The following ADH1B variants were observed in gnomAD, a reference collection of about 807,000 sequenced individuals.
ADH1B encodes the protein all-trans-retinol dehydrogenase [NAD(+)] ADH1B.
A neutral mutation model predicts 34.6 loss-of-function variants in ADH1B; 29 were observed. That is an observed-to-expected ratio of 0.84 (90% CI 0.62 to 1.14). ADH1B has a LOEUF of 1.14. Among genes scored for constraint, ADH1B ranks in the 50% most tolerant of loss-of-function variants. The probability of loss-of-function intolerance (pLI) is 0.00; values close to 1 mark genes in which losing one functional copy is unlikely to be tolerated. For missense variants in ADH1B, 424 were observed against 468.4 expected, an observed-to-expected ratio of 0.91 and a Z score of 0.87; for synonymous variants, 170 against 175.5, an observed-to-expected ratio of 0.97 and a Z score of 0.25.
chr4:99,310,902 G>A lies in ADH1B; in HGVS notation c.966C>T (p.Gly322=), dbSNP rs1368291089. The A allele has an allele frequency of 6.2e-7, 1 of 1,612,236 alleles. No individual in the cohort carries two copies. The highest frequency in any genetic ancestry group is 1.1e-5 in the South Asian group (1 of 90,564). Reference sequence around the variant, plus strand: ...TTGGGATACCTTCTTTACTCTTAAAGCCTGAAAAGAAGACAGTATCATTGT... The same window carrying A: ...TTGGGATACCTTCTTTACTCTTAAAACCTGAAAAGAAGACAGTATCATTGT... ...GRTWKGAVYG[G]FKSKEGIPKL... Residue 322 remains glycine, a splice_region_variant and synonymous_variant, in exon 8 of 9, where the codon GGC becomes GGT. Transcript: ENST00000305046.
intron 5 of ADH1B, 21 bp downstream of exon 5, chr4:99,315,877 A>T: frequency 6.2e-7 from 1 of 1,614,054 alleles, no homozygotes; most frequent in Non-Finnish European, 8.5e-7. Flanking sequence ...AAGCAGTTTT[A>T]TCACCCATTG....
chr4:99,307,038 G>C lies in ADH1B; in HGVS notation c.*802C>G, dbSNP rs1278505495. The C allele has an allele frequency of 6.6e-6, 1 of 151,992 alleles. No individual in the cohort carries two copies. The highest frequency in any genetic ancestry group is 1.5e-5 in the Non-Finnish European group (1 of 68,002). The allele number at this position is 151,992 out of a possible 1,614,324, so 9.4% of individuals were successfully genotyped here. ...GTCATCATCTAAATAATCATTTATAGCCACAAACTAATACTGTTTAGTCAA... is the reference window on the plus strand; with the variant it reads ...GTCATCATCTAAATAATCATTTATACCCACAAACTAATACTGTTTAGTCAA... On this transcript the variant is annotated 3_prime_UTR_variant, in exon 9 of 9. Coordinates refer to ENST00000305046, the MANE Select transcript of ADH1B (RefSeq NM_000668.6).
intron 5 of ADH1B, 131 bp downstream of exon 5, chr4:99,315,767 G>T: frequency 9.0e-7 from 1 of 1,113,678 alleles, no homozygotes; most frequent in Non-Finnish European, 1.3e-6. Flanking sequence ...ATTCTTTCTG[G>T]GCCATTTTTC....
Position 99,304,973 on chromosome 4 carries a change from A to G in ADH1B, c.*2867T>C, listed in dbSNP as rs1250793425. 6.6e-6 allele frequency: 1 copy of G among 152,070 alleles called. No homozygotes were observed. Among genetic ancestry groups the G allele is most frequent in the African/African-American group, 2.4e-5 (1 of 41,406 alleles). The allele number at this position is 152,070 out of a possible 1,614,324, so 9.4% of individuals were successfully genotyped here. A position where few individuals can be genotyped will look rare whatever the true frequency, so the allele number is the denominator to read the frequency against. ...AGCATAAGCTAATAGGTAAGCAGTAATATCTCATTTTGCTTTATTTTTTTT... is the reference window on the plus strand; with the variant it reads ...AGCATAAGCTAATAGGTAAGCAGTAGTATCTCATTTTGCTTTATTTTTTTT... On this transcript the variant is annotated 3_prime_UTR_variant, in exon 9 of 9. Transcript: ENST00000305046.
At chr4:99,310,731 A>G (rs771139873) in intron 8 of ADH1B, 34 bp downstream of exon 8, 1 of 1,594,976 alleles carries the variant, frequency 6.3e-7, no homozygotes, top group Non-Finnish European at 8.5e-7. Flanking sequence ...ATGGTAGAAA[A>G]AAAAGCAAAA....
chr4:99,318,717 G>A, intron 2 of ADH1B, 68 bp downstream of exon 2: 2 of 1,448,432 alleles, frequency 1.4e-6, no homozygotes, highest in East Asian at 2.3e-5. Flanking sequence ...ATTTTTGGAT[G>A]TTTCCATTTT....
chr4:99,315,703 C>G, intron 5 of ADH1B, 195 bp downstream of exon 5: 1 of 671,774 alleles, frequency 1.5e-6, no homozygotes, highest in Non-Finnish European at 2.5e-6. Flanking sequence ...CATCTTTATT[C>G]GTAACAACTT....
At chr4:99,308,342 A>G (rs978273430) in intron 8 of ADH1B, among the ~76,000 whole-genome samples, 2 of 150,082 alleles carry the variant, frequency 1.3e-5, no homozygotes, top group Non-Finnish European at 3.0e-5. Flanking sequence ...AAAGATTTGT[A>G]ACTTGCTCTG....
chr4:99,314,284 A>G, intron 5 of ADH1B: 5 of 802,134 alleles, frequency 6.2e-6, no homozygotes, highest in Non-Finnish European at 5.7e-6. Context: ...AAACTGATGC[A>G]TATTAGATTC....
chr4:99,310,156 T>C (rs1345258037), intron 8 of ADH1B, among the ~76,000 whole-genome samples: 2 of 152,184 alleles, frequency 1.3e-5, no homozygotes, highest in Non-Finnish European at 2.9e-5. Context: ...AGAATTGGCT[T>C]ATTTTTCTAA....
In ADH1B at chr4:99,311,764, G is replaced by A. The variant is rs1355138678; in HGVS notation, c.829-108C>T. ...TAACTGGATTGTGAGTGTGTAGAGGGAAGAGATCATGTCTTTTGATCCTTC... is the reference window on the plus strand; with the variant it reads ...TAACTGGATTGTGAGTGTGTAGAGGAAAGAGATCATGTCTTTTGATCCTTC... On this transcript the variant is annotated intron_variant, in intron 6 of 8. Transcript: ENST00000305046. The A allele has an allele frequency of 3.4e-6, 5 of 1,471,302 alleles. No individual in the cohort carries two copies. The African/African-American group carries it at 7.0e-5, about 21-fold the overall frequency. The allele number at this position is 1,471,302 out of a possible 1,614,324, so 91.1% of individuals were successfully genotyped here. A position where few individuals can be genotyped will look rare whatever the true frequency, so the allele number is the denominator to read the frequency against.
intron 6 of ADH1B, among the ~76,000 whole-genome samples, chr4:99,313,051 G>A (rs1733791060): frequency 6.7e-6 from 1 of 149,030 alleles, no homozygotes. Context: ...TTTTGAGACA[G>A]AGTTTCACTA....
intron 1 of ADH1B, chr4:99,320,578 C>T (rs1465721420): frequency 1.6e-5 from 3 of 187,392 alleles, no homozygotes; most frequent in African/African-American, 7.2e-5. Context: ...CAAATAAGTA[C>T]AAATTTATAG....
chr4:99,316,064 C>T lies in ADH1B; in HGVS notation c.401G>A (p.Arg134Lys). The T allele has an allele frequency of 6.2e-7, 1 of 1,614,182 alleles. No individual in the cohort carries two copies. Among genetic ancestry groups the T allele is most frequent in the Non-Finnish European group, 8.5e-7 (1 of 1,180,022 alleles). ...LQDGTRRFTC[R>K]GKPIHHFLGT... ...AAGGAAGTGGTGAATGGGCTTCCCC[C>T]TGCAGGTGAACCTCCTGGTGCCATC... The change falls in exon 5 of 9, where the codon AGG (arginine) becomes AAG (lysine). Residue 134 changes from arginine to lysine, a missense_variant. Physicochemically the swap from Arg to Lys is conservative, Grantham distance 26. Transcript: ENST00000305046.
intron 6 of ADH1B, among the ~76,000 whole-genome samples, chr4:99,312,661 A>G (rs1560527283): frequency 6.6e-6 from 1 of 152,226 alleles, no homozygotes; most frequent in Non-Finnish European, 1.5e-5. Flanking sequence ...TGATGTAAGC[A>G]CTGCAAGATT....
At chr4:99,319,033 A>T in intron 1 of ADH1B, 147 bp from the exon 2 acceptor site, 1 of 866,374 alleles carries the variant, frequency 1.2e-6, no homozygotes, top group Non-Finnish European at 2.0e-6. Flanking sequence ...CTGGTTTATA[A>T]AGAGAATAAA....
chr4:99,311,101 CTTAG>C (rs1418091387), intron 7 of ADH1B, among the ~76,000 whole-genome samples, 198 bp from the exon 8 acceptor site: 1 of 152,086 alleles, frequency 6.6e-6, no homozygotes, highest in Admixed American at 6.6e-5. Context: ...AACGAAGGTT[CTTAG>C]TTATTTTGTC....
intron 3 of ADH1B, chr4:99,317,254 G>A (rs184628781): frequency 6.6e-6 from 1 of 152,178 alleles, no homozygotes; most frequent in African/African-American, 2.4e-5. Flanking sequence ...AAAATTGTTG[G>A]TGCATTAACA....
chr4:99,307,680 T>C lies in ADH1B; in HGVS notation c.*160A>G. 1.1e-6 allele frequency: 1 copy of C among 894,046 alleles called. No homozygotes were observed. The allele number at this position is 894,046 out of a possible 1,614,324, so 55.4% of individuals were successfully genotyped here. On this transcript the variant is annotated 3_prime_UTR_variant, in exon 9 of 9. Transcript: ENST00000305046. ...TTGAATTTTAAATTTTCCTGAAAAA[T>C]AATTTCCCATCAATTTCCATTTCTT...
Sources: gnomAD v4.1 joint callset for allele counts (sites outside exome capture counted in the v4.1 genomes callset) on GRCh38, gnomAD v4.1.1 for gene constraint, MANE v1.5 for transcripts, NCBI Gene and HGNC (gene_info 2026-07-23, HGNC 2026-07-21) for gene names.